The following BMP3 variants were observed in gnomAD, a reference collection of about 807,000 sequenced individuals.
BMP3 encodes bone morphogenetic protein 3, also known as bone morphogenetic protein 3 (osteogenic).
A neutral mutation model predicts 38.1 loss-of-function variants in BMP3; 23 were observed. That is an observed-to-expected ratio of 0.60 (90% CI 0.43 to 0.86). The LOEUF (loss-of-function observed/expected upper bound fraction) is 0.86, where lower values mean the gene tolerates loss of function less well. Among genes scored for constraint, BMP3 ranks in the 40% least tolerant of loss-of-function variants. The probability of loss-of-function intolerance (pLI) is 0.00; values close to 1 mark genes in which losing one functional copy is unlikely to be tolerated. For missense variants in BMP3, 628 were observed against 579.6 expected (o/e 1.08, Z -0.86); for synonymous variants, 258 against 225.7 (o/e 1.14, Z -1.28).
At chr4:81,044,639 C>G (rs1245012562) in intron 1 of BMP3, among the ~76,000 whole-genome samples, 2 of 152,184 alleles carry the variant, frequency 1.3e-5, no homozygotes, top group Non-Finnish European at 1.5e-5. Flanking sequence ...ATTAGCCCCT[C>G]CCTTTGGCTT....
intron 1 of BMP3, among the ~76,000 whole-genome samples, chr4:81,043,570 T>A (rs551699792): frequency 6.7e-6 from 1 of 149,822 alleles, no homozygotes; most frequent in African/African-American, 2.5e-5. Flanking sequence ...GCTTACCCAA[T>A]GCTTATCAAG....
intron 1 of BMP3, among the ~76,000 whole-genome samples, chr4:81,044,362 C>A (rs1740172497): frequency 6.6e-6 from 1 of 152,090 alleles, no homozygotes; most frequent in Non-Finnish European, 1.5e-5. Context: ...CCTTGCTAAC[C>A]TTTTTTTGTC....
intron 1 of BMP3, among the ~76,000 whole-genome samples, chr4:81,039,076 C>A (rs954377282): frequency 3.9e-5 from 6 of 152,232 alleles, no homozygotes; most frequent in African/African-American, 1.4e-4. Context: ...ACTTTGTGTT[C>A]TTTGTAGAAT....
intron 2 of BMP3, among the ~76,000 whole-genome samples, chr4:81,050,117 G>A (rs1188018933): frequency 1.3e-5 from 2 of 152,192 alleles, no homozygotes; most frequent in African/African-American, 4.8e-5. Flanking sequence ...TCACACCCAT[G>A]TGGGCTGGAC....
At chr4:81,041,619 A>G (rs191028988) in intron 1 of BMP3, among the ~76,000 whole-genome samples, 122 of 152,344 alleles carry the variant, frequency 8.0e-4, no homozygotes, top group Admixed American at 3.5e-3. Flanking sequence ...GATGACTTAG[A>G]CATTCACTAG....
chr4:81,052,983 T>C (rs893587543), intron 2 of BMP3, among the ~76,000 whole-genome samples: 9 of 152,138 alleles, frequency 5.9e-5, no homozygotes, highest in Non-Finnish European at 1.3e-4. Context: ...GCTAAGTTGT[T>C]TGTAATTAAA....
chr4:81,037,764 A>G (rs1739960015), intron 1 of BMP3, among the ~76,000 whole-genome samples: 2 of 152,276 alleles, frequency 1.3e-5, no homozygotes, highest in South Asian at 4.1e-4. Context: ...ACCTATATTC[A>G]ACAAATGTAC....
At chr4:81,048,042 T>C (rs1362414910) in intron 2 of BMP3, among the ~76,000 whole-genome samples, 1 of 152,060 alleles carries the variant, frequency 6.6e-6, no homozygotes, top group Non-Finnish European at 1.5e-5. Context: ...TATTTTCTTG[T>C]AATAATACTT....
In BMP3 at chr4:81,031,177, G is replaced by T. The variant is rs979866311; in HGVS notation, c.-108G>T. On this transcript the variant is annotated 5_prime_UTR_variant, in exon 1 of 3. Transcript: ENST00000282701. ...CGCGTCCCGGGCTCCGTGCGCCCTC[G>T]CCCCAGCTGGTTTGGAGTTCAACCC... The T allele has an allele frequency of 6.0e-5, 74 of 1,236,388 alleles. No individual in the cohort carries two copies. The highest frequency in any genetic ancestry group is 7.6e-5 in the Non-Finnish European group (70 of 916,068). The allele number at this position is 1,236,388 out of a possible 1,614,324, so 76.6% of individuals were successfully genotyped here.
At chr4:81,043,744 CCG>C (rs1740157437) in intron 1 of BMP3, among the ~76,000 whole-genome samples, 2 of 152,034 alleles carry the variant, frequency 1.3e-5, no homozygotes, top group African/African-American at 4.8e-5. Flanking sequence ...TGTGCCACTA[CCG>C]CCTTGCTAAT....
chr4:81,057,239 A>G lies in BMP3; in HGVS notation c.*3703A>G, dbSNP rs868189452. The G allele has an allele frequency of 6.6e-6, 1 of 151,502 alleles. No individual in the cohort carries two copies. Among genetic ancestry groups the G allele is most frequent in the African/African-American group, 2.4e-5 (1 of 41,286 alleles). 9.4% of individuals were successfully genotyped at this position (151,502 alleles called of 1,614,324 possible). A position where few individuals can be genotyped will look rare whatever the true frequency, so the allele number is the denominator to read the frequency against. On this transcript the variant is annotated 3_prime_UTR_variant, in exon 3 of 3. Transcript: ENST00000282701. ...ATATATATATAATATATGTATATGG[A>G]AAAGGTTCAAAGATGCTTTTAATTT...
Position 81,052,265 on chromosome 4 carries a change from T to C in BMP3, c.1228-1080T>C, listed in dbSNP as rs142293984. Among the ~76,000 whole-genome samples the C allele has an allele frequency of 3.9e-5, 6 of 152,250 alleles. No individual in the cohort carries two copies. The East Asian group carries it at 1.2e-3, about 29-fold the overall frequency. ...AAGTTACCAAACTTCTGTTTCTCAA[T>C]GTGTTTAAAACAAAACTACTTTCAC... On this transcript the variant is annotated intron_variant, in intron 2 of 2. Coordinates refer to ENST00000282701, the MANE Select transcript of BMP3 (RefSeq NM_001201.5).
At chr4:81,048,547 AT>A (rs1350937847) in intron 2 of BMP3, among the ~76,000 whole-genome samples, 1 of 152,178 alleles carries the variant, frequency 6.6e-6, no homozygotes, top group Non-Finnish European at 1.5e-5. Flanking sequence ...TTGATTTGGT[AT>A]CCACCCCACC....
Position 81,056,084 on chromosome 4 carries a change from A to C in BMP3, c.*2548A>C, listed in dbSNP as rs1255430002. The C allele has an allele frequency of 6.6e-6, 1 of 152,206 alleles. No homozygotes were observed. The highest frequency in any genetic ancestry group is 1.5e-5 in the Non-Finnish European group (1 of 68,034). The allele number at this position is 152,206 out of a possible 1,614,324, so 9.4% of individuals were successfully genotyped here. On this transcript the variant is annotated 3_prime_UTR_variant, in exon 3 of 3. Coordinates refer to ENST00000282701, the MANE Select transcript of BMP3 (RefSeq NM_001201.5). ...TAATACAGATTTACTAAGAGTAGTT[A>C]GAAAATTTAGTAAGTGCCTGTTTTA...
chr4:81,030,779 T>TA lies in BMP3; in HGVS notation c.-500dup, dbSNP rs1304681156. Among the ~76,000 whole-genome samples the TA allele has an allele frequency of 6.7e-6, 1 of 149,456 alleles. No homozygotes were observed. On this transcript the variant is annotated 5_prime_UTR_variant, in exon 1 of 3. Transcript: ENST00000282701. Reference sequence around the variant, plus strand: ...CGCGCACACACACACACACGTACACTAAAAAACTCGGACCAGCCGCGCCGC... The same window carrying TA: ...CGCGCACACACACACACACGTACACTAAAAAAACTCGGACCAGCCGCGCCGC...
intron 2 of BMP3, among the ~76,000 whole-genome samples, chr4:81,047,947 GAAAA>G (rs3042535): frequency 1.3e-4 from 12 of 91,536 alleles, no homozygotes; most frequent in Non-Finnish European, 1.4e-4. Flanking sequence ...ACTCTGAAGA[GAAAA>G]AAAAAAAAAA....
intron 1 of BMP3, 131 bp downstream of exon 1, chr4:81,031,731 C>A: frequency 8.8e-7 from 1 of 1,132,154 alleles, no homozygotes; most frequent in Non-Finnish European, 1.2e-6. Flanking sequence ...TCCTCAGCTG[C>A]CCTCTGGATT....
At chr4:81,040,359 T>C (rs1333198866) in intron 1 of BMP3, among the ~76,000 whole-genome samples, 1 of 152,174 alleles carries the variant, frequency 6.6e-6, no homozygotes, top group Non-Finnish European at 1.5e-5. Flanking sequence ...CACACTCTAC[T>C]CTACCATAAA....
In BMP3 at chr4:81,031,465, C is replaced by A; in HGVS notation, c.181C>A (p.Leu61Met). 6.2e-7 allele frequency: 1 copy of A among 1,613,528 alleles called. No individual in the cohort carries two copies. The highest frequency in any genetic ancestry group is 8.5e-7 in the Non-Finnish European group (1 of 1,179,748). The part of the protein sequence containing the change: ...QPQDKVSEHM[L>M]RLYDRYSTVQ... Reference sequence around the variant, plus strand: ...GCAAGACAAGGTCTCTGAACACATGCTGCGGCTCTATGACAGGTACAGCAC... The same window carrying A: ...GCAAGACAAGGTCTCTGAACACATGATGCGGCTCTATGACAGGTACAGCAC... The change falls in exon 1 of 3, where the codon CTG (leucine) becomes ATG (methionine). Residue 61 changes from leucine to methionine, a missense_variant. By Grantham distance (15) the Leu-to-Met change is conservative. Transcript: ENST00000282701.
Sources: gnomAD v4.1 joint callset for allele counts (sites outside exome capture counted in the v4.1 genomes callset) on GRCh38, gnomAD v4.1.1 for gene constraint, MANE v1.5 for transcripts, NCBI Gene and HGNC (gene_info 2026-07-23, HGNC 2026-07-21) for gene names.